The following METTL21A variants were observed in gnomAD, a reference collection of about 807,000 sequenced individuals.
The protein encoded by METTL21A is protein N-lysine methyltransferase METTL21A.
A neutral mutation model predicts 20.9 loss-of-function variants in METTL21A; 22 were observed. The observed-to-expected ratio is 1.05, with a 90% confidence interval of 0.75 to 1.50. METTL21A has a LOEUF of 1.50. METTL21A is among the 40% of genes most tolerant of loss of function. The pLI is 0.00. For synonymous variants in METTL21A, 93 were observed against 102.0 expected (o/e 0.91, Z 0.53); for missense variants, 271 against 266.8 (o/e 1.02, Z -0.11).
rs774941895 is a variant in METTL21A, at chr2:207,621,929, C to T, written c.148-12G>A. On this transcript the variant is annotated splice_polypyrimidine_tract_variant and intron_variant, in intron 2 of 3. Coordinates refer to ENST00000406927, the Ensembl canonical transcript of METTL21A. Reference sequence around the variant, plus strand: ...GAAAGAACGATGGCCTGAATGAAAACACAGTGTGATGACGATTAAGGTCAA... The same window carrying T: ...GAAAGAACGATGGCCTGAATGAAAATACAGTGTGATGACGATTAAGGTCAA... 1 of 1,610,946 alleles carries T rather than the reference C, an allele frequency of 6.2e-7. No individual in the cohort carries two copies. Among genetic ancestry groups the T allele is most frequent in the Non-Finnish European group, 8.5e-7 (1 of 1,177,188 alleles).
chr2:207,621,075 G>A (rs1437517183), intron 3 of METTL21A, among the ~76,000 whole-genome samples: 1 of 152,182 alleles, frequency 6.6e-6, no homozygotes. Context: ...CAATATGGAA[G>A]TGATAAACAT....
chr2:207,624,460 C>T, intron 1 of METTL21A, 56 bp from the exon 2 acceptor site: 2 of 1,409,950 alleles, frequency 1.4e-6, no homozygotes, highest in East Asian at 2.6e-5. Context: ...ATTATCTGTT[C>T]TTAACTAACT....
chr2:207,615,238 G>A (rs753958614), intron 3 of METTL21A, among the ~76,000 whole-genome samples: 1 of 152,044 alleles, frequency 6.6e-6, no homozygotes, highest in Non-Finnish European at 1.5e-5. Context: ...TTGGGAGGTC[G>A]AGGCAGGAGC....
upstream of METTL21A, chr2:207,625,379 G>C (rs2091008441): frequency 1.3e-5 from 2 of 152,154 alleles, no homozygotes; most frequent in South Asian, 2.1e-4. Flanking sequence ...GCCCCGGCCC[G>C]GAGCCACGCA....
chr2:207,603,133 T>A (rs1304278154), intron 3 of METTL21A: 7 of 209,918 alleles, frequency 3.3e-5, no homozygotes, highest in Non-Finnish European at 5.8e-5. Flanking sequence ...TCTAATAAAA[T>A]TCCCTACATT....
downstream of METTL21A, among the ~76,000 whole-genome samples, chr2:207,606,494 C>A (rs1462926214): frequency 1.3e-5 from 2 of 152,116 alleles, no homozygotes; most frequent in African/African-American, 2.4e-5. Flanking sequence ...AAAAAAACTT[C>A]AAGTTTTAAG....
intron 3 of METTL21A, among the ~76,000 whole-genome samples, chr2:207,618,553 AT>A (rs2090071973): frequency 6.6e-6 from 1 of 152,158 alleles, no homozygotes; most frequent in Non-Finnish European, 1.5e-5. Flanking sequence ...ACAAAAAAAA[AT>A]TAGCCTGGTG....
rs542309904 is a variant in METTL21A at position 207,595,963 on chromosome 2, G to C, written c.260-13803C>G. Among the ~76,000 whole-genome samples the C allele has an allele frequency of 2.0e-4, 30 of 152,268 alleles. 1 individual carries two copies. The South Asian group carries it at 5.8e-3, about 29-fold the overall frequency. On this transcript the variant is annotated intron_variant, in intron 3 of 3. Coordinates refer to the METTL21A transcript ENST00000425132. ...TTCACTATTTATTGTCTTTCGATGTGCAGAAGTTTTTTAGTTGGATATAGT... is the reference window on the plus strand; with the variant it reads ...TTCACTATTTATTGTCTTTCGATGTCCAGAAGTTTTTTAGTTGGATATAGT...
intron 3 of METTL21A, 125 bp downstream of exon 3, chr2:207,621,681 A>T (rs760775121): frequency 5.0e-6 from 4 of 802,034 alleles, no homozygotes; most frequent in African/African-American, 3.4e-5. Flanking sequence ...CCCACAACTC[A>T]TAAGTATAAG....
chr2:207,596,094 G>C (rs2086107059), intron 3 of METTL21A, among the ~76,000 whole-genome samples: 1 of 152,146 alleles, frequency 6.6e-6, no homozygotes, highest in South Asian at 2.1e-4. Context: ...AAGTTTTATA[G>C]TTTTAGGTCT....
At chr2:207,607,116 T>C (rs958640120), downstream of METTL21A, among the ~76,000 whole-genome samples, 6 of 152,052 alleles carry the variant, frequency 3.9e-5, no homozygotes, top group Admixed American at 3.9e-4. Flanking sequence ...AGGTCGGGCC[T>C]GGTGGCTCAC....
rs755412894 is a variant in METTL21A, at chr2:207,596,893, C to T, written c.260-14733G>A. ...TGTGGAAATCATTTGCATAATTTTT[C>T]CCGTCCTCTTTTGCTTGTAGGGAAG... On this transcript the variant is annotated intron_variant, in intron 3 of 3. Coordinates refer to the METTL21A transcript ENST00000425132. The T allele has an allele frequency of 1.9e-6, 3 of 1,587,062 alleles. No homozygotes were observed. In the East Asian group the frequency reaches 6.7e-5, roughly 36 times the overall value.
exon 4 of METTL21A, chr2:207,613,443 C>T (rs1282860306): frequency 1.3e-6 from 2 of 1,573,168 alleles, no homozygotes; most frequent in Non-Finnish European, 1.7e-6. Flanking sequence ...CACATGAGCA[C>T]CTACAATGTG....
intron 3 of METTL21A, among the ~76,000 whole-genome samples, chr2:207,615,228 T>A (rs766564248): frequency 3.9e-5 from 6 of 152,096 alleles, no homozygotes; most frequent in Admixed American, 3.9e-4. Context: ...TCCAAGCACT[T>A]TGGGAGGTCG....
At chr2:207,618,941 G>A (rs1168006627) in intron 3 of METTL21A, among the ~76,000 whole-genome samples, 1 of 151,990 alleles carries the variant, frequency 6.6e-6, no homozygotes, top group African/African-American at 2.4e-5. Context: ...CAAATTCTAA[G>A]CACAATCCAT....
intron 3 of METTL21A, chr2:207,582,246 G>T (rs1368069830): frequency 1.4e-6 from 1 of 696,096 alleles, no homozygotes; most frequent in East Asian, 2.7e-5. Context: ...AGTACTTGGA[G>T]GCTATGCAGA....
At chr2:207,613,372 G>A in exon 4 of METTL21A, 7 of 1,612,212 alleles carry the variant, frequency 4.3e-6, no homozygotes, top group Non-Finnish European at 5.9e-6. Context: ...ATATGAGGAG[G>A]TAAGTTGGCT....
chr2:207,604,655 T>G (rs888481213), downstream of METTL21A, among the ~76,000 whole-genome samples: 3 of 152,254 alleles, frequency 2.0e-5, no homozygotes, highest in East Asian at 1.9e-4. Context: ...TGGTAGTACA[T>G]CCACAATGGT....
At chr2:207,582,817 TG>T in intron 3 of METTL21A, 2 of 327,152 alleles carry the variant, frequency 6.1e-6, no homozygotes, top group Non-Finnish European at 6.2e-6. Context: ...TGTGCGAACC[TG>T]GGAGGTGGAA....
Sources: gnomAD v4.1 joint callset for allele counts (sites outside exome capture counted in the v4.1 genomes callset) on GRCh38, gnomAD v4.1.1 for gene constraint, MANE v1.5 for transcripts, NCBI Gene and HGNC (gene_info 2026-07-23, HGNC 2026-07-21) for gene names.